MEI4: variants seen among roughly 807,000 people sequenced by gnomAD.
The protein encoded by MEI4 is meiotic double-stranded break formation protein 4, also known as meiosis-specific protein MEI4.
MEI4 carries 27 observed loss-of-function variants against 31.4 expected under a neutral mutation model. The observed-to-expected ratio is 0.86, with a 90% CI of 0.63 to 1.19. MEI4 has a LOEUF of 1.19. Ranked by LOEUF, MEI4 falls within the 50% of genes most tolerant of loss-of-function variation. The pLI is 0.00. For synonymous variants in MEI4, 122 were observed against 145.4 expected (o/e 0.84, Z 1.16); for missense variants, 329 against 398.9 (o/e 0.82, Z 1.49).
intron 2 of MEI4, among the ~76,000 whole-genome samples, chr6:77,698,335 G>A (rs901850715): frequency 5.3e-5 from 8 of 152,228 alleles, no homozygotes; most frequent in Middle Eastern, 3.4e-3. Context: ...TATTTTGCTC[G>A]TTAGTTGATG....
chr6:77,659,821 C>T (rs1316076161), intron 1 of MEI4, among the ~76,000 whole-genome samples: 1 of 152,110 alleles, frequency 6.6e-6, no homozygotes, highest in South Asian at 2.1e-4. Flanking sequence ...AAAGGAACAT[C>T]GAGAAGGTGA....
intron 1 of MEI4, among the ~76,000 whole-genome samples, chr6:77,657,474 G>C (rs1343604096): frequency 1.0e-5 from 1 of 95,728 alleles, no homozygotes; most frequent in East Asian, 2.9e-4. Flanking sequence ...ATCTTTTAGA[G>C]CTTCCTGTAT....
intron 3 of MEI4, among the ~76,000 whole-genome samples, chr6:77,788,664 G>C (rs1328321013): frequency 2.0e-5 from 3 of 152,060 alleles, no homozygotes. Flanking sequence ...TTGCTTCAAA[G>C]AGAATAAAAT....
intron 2 of MEI4, among the ~76,000 whole-genome samples, chr6:77,744,301 C>T (rs1582091727): frequency 1.3e-5 from 2 of 152,040 alleles, no homozygotes; most frequent in Non-Finnish European, 1.5e-5. Flanking sequence ...AAAGCCAAGG[C>T]TCGAGAACTA....
chr6:77,731,472 GTTGT>G (rs1331974297), intron 2 of MEI4, among the ~76,000 whole-genome samples: 5 of 150,988 alleles, frequency 3.3e-5, no homozygotes. Flanking sequence ...TTTTGATGGG[GTTGT>G]TTGTTTTTTT....
chr6:77,687,885 A>G (rs1268908533), intron 1 of MEI4, among the ~76,000 whole-genome samples: 4 of 152,068 alleles, frequency 2.6e-5, no homozygotes, highest in Non-Finnish European at 5.9e-5. Context: ...GATTTCATCA[A>G]AAAAGCATGA....
At chr6:77,898,519 A>C (rs904433482) in intron 4 of MEI4, among the ~76,000 whole-genome samples, 2 of 151,894 alleles carry the variant, frequency 1.3e-5, no homozygotes, top group Non-Finnish European at 2.9e-5. Flanking sequence ...CCTTGACTTA[A>C]TTTTCTGCTC....
intron 2 of MEI4, among the ~76,000 whole-genome samples, chr6:77,699,693 T>TC (rs1435751089): frequency 1.3e-5 from 2 of 152,298 alleles, no homozygotes; most frequent in South Asian, 2.1e-4. Flanking sequence ...CTGTGTTTTT[T>TC]CCCCATCTTT....
intron 1 of MEI4, among the ~76,000 whole-genome samples, chr6:77,671,441 T>C (rs1305656722): frequency 6.6e-6 from 1 of 152,156 alleles, no homozygotes; most frequent in Non-Finnish European, 1.5e-5. Flanking sequence ...GACAAAGTGG[T>C]TATCTGAGCT....
chr6:77,695,292 CT>C (rs1411595551), intron 2 of MEI4, among the ~76,000 whole-genome samples: 1 of 152,010 alleles, frequency 6.6e-6, no homozygotes, highest in Non-Finnish European at 1.5e-5. Context: ...TCAATTTTGG[CT>C]TTTGTTGCCA....
At chr6:77,728,050 A>G (rs1012064986) in intron 2 of MEI4, among the ~76,000 whole-genome samples, 3 of 152,222 alleles carry the variant, frequency 2.0e-5, no homozygotes, top group African/African-American at 7.2e-5. Context: ...GAGAGAGTGA[A>G]GGTGAAAGGT....
intron 4 of MEI4, among the ~76,000 whole-genome samples, chr6:77,870,193 C>T (rs889395738): frequency 2.6e-5 from 4 of 152,144 alleles, no homozygotes; most frequent in African/African-American, 9.7e-5. Flanking sequence ...TTGATCTTTT[C>T]CCAGGCTAGT....
intron 2 of MEI4, among the ~76,000 whole-genome samples, chr6:77,695,948 G>T (rs1265218265): frequency 1.3e-5 from 2 of 152,096 alleles, no homozygotes; most frequent in Admixed American, 6.6e-5. Flanking sequence ...ATTGAGCAGT[G>T]GTTTGTAGTT....
intron 3 of MEI4, among the ~76,000 whole-genome samples, chr6:77,795,445 A>T (rs1044486754): frequency 2.6e-5 from 4 of 152,098 alleles, no homozygotes; most frequent in Non-Finnish European, 5.9e-5. Context: ...CCTAGCTTAA[A>T]TCACACACAC....
At chr6:77,748,443 T>G (rs2127676570) in intron 2 of MEI4, among the ~76,000 whole-genome samples, 1 of 152,330 alleles carries the variant, frequency 6.6e-6, no homozygotes, top group Non-Finnish European at 1.5e-5. Context: ...CTGTGGCCCC[T>G]TTCAGCTACA....
At chr6:77,878,052 A>G (rs1335377383) in intron 4 of MEI4, among the ~76,000 whole-genome samples, 1 of 152,066 alleles carries the variant, frequency 6.6e-6, no homozygotes, top group Non-Finnish European at 1.5e-5. Flanking sequence ...TAGTAATATA[A>G]TGTGCCAAAC....
chr6:77,794,112 A>T (rs1338229799), intron 3 of MEI4, among the ~76,000 whole-genome samples: 1 of 152,226 alleles, frequency 6.6e-6, no homozygotes, highest in Non-Finnish European at 1.5e-5. Context: ...GGAAAGCGAT[A>T]TTCCATTCAG....
intron 2 of MEI4, among the ~76,000 whole-genome samples, chr6:77,737,212 T>A (rs1326772891): frequency 6.6e-6 from 1 of 152,208 alleles, no homozygotes; most frequent in Admixed American, 6.5e-5. Context: ...ATACTTTCCA[T>A]AAGTTATTTA....
At chr6:77,890,773 G>A (rs919834049) in intron 4 of MEI4, among the ~76,000 whole-genome samples, 4 of 152,110 alleles carry the variant, frequency 2.6e-5, no homozygotes, top group Non-Finnish European at 4.4e-5. Flanking sequence ...ATTGAATCAT[G>A]GTGGCAGTTA....
Sources: gnomAD v4.1 joint callset for allele counts (sites outside exome capture counted in the v4.1 genomes callset) on GRCh38, gnomAD v4.1.1 for gene constraint, MANE v1.5 for transcripts, NCBI Gene and HGNC (gene_info 2026-07-23, HGNC 2026-07-21) for gene names.